The following AGAP1 variants were observed in gnomAD, a reference collection of about 807,000 sequenced individuals.
The protein encoded by AGAP1 is arf-GAP with GTPase, ANK repeat and PH domain-containing protein 1.
A neutral mutation model predicts 105.3 loss-of-function variants in AGAP1; 29 were observed. The ratio of observed to expected loss-of-function variants is 0.28; its 90% CI spans 0.21 to 0.38. The LOEUF (loss-of-function observed/expected upper bound fraction) is 0.38. AGAP1 is among the 10% of genes least tolerant of loss of function. The pLI is 1.00. For synonymous variants in AGAP1, 509 were observed against 485.9 expected, an observed-to-expected ratio of 1.05 and a Z score of -0.63; for missense variants, 998 against 1,165.1, an observed-to-expected ratio of 0.86 and a Z score of 2.09.
In AGAP1 at chr2:235,614,042, C is replaced by T. The variant is rs1490707902; in HGVS notation, c.164-95137C>T. On this transcript the variant is annotated intron_variant, in intron 1 of 17. Transcript: ENST00000304032. The surrounding 1 kb of genome is among the most constrained non-coding windows in gnomAD (Gnocchi z 4.7). ...TTTTCCCCCTTTTGTGTGTTTTGGC[C>T]AAATACTCAAAAGCACTAAGTTTTC... Among the ~76,000 whole-genome samples, 1 of 151,828 alleles carries T rather than the reference C, an allele frequency of 6.6e-6. No individual in the cohort carries two copies. The highest frequency in any genetic ancestry group is 1.5e-5 in the Non-Finnish European group (1 of 67,980).
intron 9 of AGAP1, among the ~76,000 whole-genome samples, chr2:235,817,966 G>A (rs953530010): frequency 1.3e-5 from 2 of 152,206 alleles, no homozygotes; most frequent in African/African-American, 4.8e-5. Flanking sequence ...TAATACTATA[G>A]TTAATGTTTG....
At position 235,625,177 on chromosome 2, in the gene AGAP1, G is replaced by A. The variant is rs1387749266; in HGVS notation, c.164-84002G>A. ...CAGGTGCCTGCTCTAGACTCTTGGTGTTGCTCTTCTTTCCTTCATGACCTT... is the reference window on the plus strand; with the variant it reads ...CAGGTGCCTGCTCTAGACTCTTGGTATTGCTCTTCTTTCCTTCATGACCTT... On this transcript the variant is annotated intron_variant, in intron 1 of 17. Transcript: ENST00000304032. The surrounding 1 kb of genome is among the most constrained non-coding windows in gnomAD (Gnocchi z 4.0). Among the ~76,000 whole-genome samples, 1 of 152,194 alleles carries A rather than the reference G, an allele frequency of 6.6e-6. No homozygotes were observed. Among genetic ancestry groups the A allele is most frequent in the East Asian group, 1.9e-4 (1 of 5,194 alleles).
chr2:235,504,081 G>A (rs1469869681), intron 1 of AGAP1, among the ~76,000 whole-genome samples: 2 of 151,808 alleles, frequency 1.3e-5, no homozygotes, highest in Admixed American at 6.6e-5. Context: ...ATGGGGTCTC[G>A]CTATGTTGCC....
In AGAP1 at chr2:235,663,091, G is replaced by A. The variant is rs2013198; in HGVS notation, c.164-46088G>A. ...TGTAATCCCAGCACTTTGGGAGGCC[G>A]AGGCGGGTGGATCATCTGAGGTCAG... is the stretch of plus-strand genomic sequence containing the variant. On this transcript the variant is annotated intron_variant, in intron 1 of 17. Transcript: ENST00000304032. This position sits in a 1 kb window ranked among gnomAD's most constrained non-coding sequence, Gnocchi z 5.4. Among the ~76,000 whole-genome samples the A allele has an allele frequency of 0.16, 24,683 of 152,076 alleles. 2,604 individuals carry two copies. The highest frequency in any genetic ancestry group is 0.34 in the East Asian group (1,733 of 5,134).
Position 235,678,100 on chromosome 2 carries a change from C to T in AGAP1, c.164-31079C>T, listed in dbSNP as rs1054414618. On this transcript the variant is annotated intron_variant, in intron 1 of 17. Transcript: ENST00000304032. ...TTATGGTGCCGGTGAGCCTGCGCGG[C>T]GCTGGCTTTTGCTCCTCTGGTGCCA... Among the ~76,000 whole-genome samples, 3 of 152,122 alleles carry T rather than the reference C, an allele frequency of 2.0e-5. 1 individual carries two copies. Among genetic ancestry groups the T allele is most frequent in the Non-Finnish European group, 4.4e-5 (3 of 68,008 alleles).
chr2:235,639,850 G>A lies in AGAP1; in HGVS notation c.164-69329G>A, dbSNP rs950252474. On this transcript the variant is annotated intron_variant, in intron 1 of 17. Transcript: ENST00000304032. The surrounding 1 kb of genome is among the most constrained non-coding windows in gnomAD (Gnocchi z 5.3). ...GACTTCTTTTTGGATTATTTGCAACGTCTTGAGGGGTCCACGGATTGATAG... is the reference window on the plus strand; with the variant it reads ...GACTTCTTTTTGGATTATTTGCAACATCTTGAGGGGTCCACGGATTGATAG... Among the ~76,000 whole-genome samples the A allele has an allele frequency of 7.9e-5, 12 of 152,288 alleles. No homozygotes were observed. Among genetic ancestry groups the A allele is most frequent in the African/African-American group, 2.6e-4 (11 of 41,558 alleles).
chr2:236,054,819 G>T (rs1355799827), intron 16 of AGAP1, among the ~76,000 whole-genome samples: 2 of 152,080 alleles, frequency 1.3e-5, no homozygotes, highest in African/African-American at 4.8e-5. Flanking sequence ...AATTTGCCAC[G>T]ATCACCGAGC....
At position 235,578,799 on chromosome 2, in the gene AGAP1, A is replaced by AT. The variant is rs1944824265; in HGVS notation, c.163+83950_163+83951insT. The stretch of plus-strand genomic sequence containing the variant: ...GACTCAGTCTCAAAAAAAAAAAAAA[A>AT]ATTTTTTTTTTACAATAAGCTATTT... On this transcript the variant is annotated intron_variant, in intron 1 of 17. Coordinates refer to ENST00000304032, the MANE Select transcript of AGAP1 (RefSeq NM_001037131.3). This position sits in a 1 kb window ranked among gnomAD's most constrained non-coding sequence, Gnocchi z 4.9. Among the ~76,000 whole-genome samples, 252 of 84,654 alleles carry AT rather than the reference A, an allele frequency of 3.0e-3. No homozygotes were observed. Among genetic ancestry groups the AT allele is most frequent in the African/African-American group, 8.9e-3 (201 of 22,538 alleles). The allele number at this position is 84,654 out of a possible 152,430, so 55.5% of individuals were successfully genotyped here. A position where few individuals can be genotyped will look rare whatever the true frequency, so the allele number is the denominator to read the frequency against.
chr2:235,676,083 C>T (rs1465335950), intron 1 of AGAP1, among the ~76,000 whole-genome samples: 3 of 152,172 alleles, frequency 2.0e-5, no homozygotes, highest in African/African-American at 7.2e-5. Context: ...ATGGTGTGTT[C>T]TGCATTCACT....
In AGAP1 at chr2:235,720,409, A is replaced by G. The variant is rs1036181327; in HGVS notation, c.310+2765A>G. 8.5e-5 allele frequency among the ~76,000 whole-genome samples: 13 copies of G among 152,102 alleles called. No homozygotes were observed. The highest frequency in any genetic ancestry group is 5.2e-4 in the Admixed American group (8 of 15,260). On this transcript the variant is annotated intron_variant, in intron 3 of 17. Transcript: ENST00000304032. This position sits in a 1 kb window ranked among gnomAD's most constrained non-coding sequence, Gnocchi z 5.0. The stretch of plus-strand genomic sequence containing the variant: ...GGAGTGCTGGAGGCTGACAAAGCTG[A>G]TGATGGCCCAGCCTCACCTGTGGTT...
Position 235,930,659 on chromosome 2 carries a change from T to C in AGAP1, c.1325-106T>C. The C allele has an allele frequency of 8.5e-7, 1 of 1,171,054 alleles. No individual in the cohort carries two copies. Among genetic ancestry groups the C allele is most frequent in the Non-Finnish European group, 1.2e-6 (1 of 837,990 alleles). 72.5% of individuals were successfully genotyped at this position (1,171,054 alleles called of 1,614,324 possible). A position where few individuals can be genotyped will look rare whatever the true frequency, so the allele number is the denominator to read the frequency against. On this transcript the variant is annotated intron_variant, in intron 11 of 17. Transcript: ENST00000304032. This position sits in a 1 kb window ranked among gnomAD's most constrained non-coding sequence, Gnocchi z 7.9. The stretch of plus-strand genomic sequence containing the variant: ...CAGGCAGGACAGGGGCTGCTCTCGG[T>C]GGTAAGGTGCACTATGTGCCAGCGT...
At position 236,104,141 on chromosome 2, in the gene AGAP1, G is replaced by A. The variant is rs2059426532; in HGVS notation, c.2115-16051G>A. Among the ~76,000 whole-genome samples, 2 of 152,074 alleles carry A rather than the reference G, an allele frequency of 1.3e-5. No individual in the cohort carries two copies. The highest frequency in any genetic ancestry group is 4.1e-4 in the South Asian group (2 of 4,828). Reference sequence around the variant, plus strand: ...GCAGTGGGTCTGCCCCAGGAGCCCCGCAAGGCGGGAGGCCTGTGTAAAGGC... The same window carrying A: ...GCAGTGGGTCTGCCCCAGGAGCCCCACAAGGCGGGAGGCCTGTGTAAAGGC... On this transcript the variant is annotated intron_variant, in intron 16 of 17. Transcript: ENST00000304032. This position sits in a 1 kb window ranked among gnomAD's most constrained non-coding sequence, Gnocchi z 4.7.
chr2:235,675,701 A>G (rs1948701398), intron 1 of AGAP1, among the ~76,000 whole-genome samples: 1 of 152,180 alleles, frequency 6.6e-6, no homozygotes, highest in Admixed American at 6.5e-5. Context: ...CTGGAGACAG[A>G]GCAGTTGTAC....
At chr2:235,849,641 G>T (rs1302306907) in intron 9 of AGAP1, among the ~76,000 whole-genome samples, 2 of 118,102 alleles carry the variant, frequency 1.7e-5, no homozygotes, top group African/African-American at 5.1e-5. Context: ...ATGCTGCGGG[G>T]ATGCTAGGCC....
At chr2:235,607,405 A>G (rs1456371777) in intron 1 of AGAP1, among the ~76,000 whole-genome samples, 2 of 152,230 alleles carry the variant, frequency 1.3e-5, no homozygotes, top group Non-Finnish European at 2.9e-5. Context: ...ATTATACAGA[A>G]TTATTAGTCT....
In AGAP1 at chr2:236,109,745, T is replaced by A. The variant is rs1033578912; in HGVS notation, c.2115-10447T>A. The stretch of plus-strand genomic sequence containing the variant: ...GTAGCAGCTGCCAACCACATACTTA[T>A]GTAAAGCACTGGAAATGTGTCTAAA... On this transcript the variant is annotated intron_variant, in intron 16 of 17. Transcript: ENST00000304032. The surrounding 1 kb of genome is among the most constrained non-coding windows in gnomAD (Gnocchi z 5.4). Among the ~76,000 whole-genome samples, 1 of 152,234 alleles carries A rather than the reference T, an allele frequency of 6.6e-6. No individual in the cohort carries two copies. Among genetic ancestry groups the A allele is most frequent in the African/African-American group, 2.4e-5 (1 of 41,472 alleles).
Position 236,101,261 on chromosome 2 carries a change from A to C in AGAP1, c.2115-18931A>C, listed in dbSNP as rs1332342537. On this transcript the variant is annotated intron_variant, in intron 16 of 17. Transcript: ENST00000304032. This position sits in a 1 kb window ranked among gnomAD's most constrained non-coding sequence, Gnocchi z 4.9. The stretch of plus-strand genomic sequence containing the variant: ...ACAAGCAGATTAAAAGGTATACCAC[A>C]TTAAGAAGACTCCTTATTGTTCCAA... 2.0e-5 allele frequency among the ~76,000 whole-genome samples: 3 copies of C among 152,284 alleles called. No homozygotes were observed. In the East Asian group the frequency reaches 5.8e-4, roughly 29 times the overall value.
chr2:235,746,316 C>A (rs1046276581), intron 5 of AGAP1, among the ~76,000 whole-genome samples: 5 of 136,618 alleles, frequency 3.7e-5, no homozygotes, highest in Admixed American at 2.9e-4. Context: ...CTATAAGTAT[C>A]TTTTCAGTGT....
intron 1 of AGAP1, among the ~76,000 whole-genome samples, chr2:235,534,798 C>T (rs185768743): frequency 1.3e-5 from 2 of 152,308 alleles, no homozygotes; most frequent in Non-Finnish European, 2.9e-5. Flanking sequence ...GAGCCAACGG[C>T]AGCCCGTGCA....
Sources: allele counts gnomAD v4.1 joint callset (sites outside exome capture counted in the v4.1 genomes callset), GRCh38; gene constraint gnomAD v4.1.1; non-coding constraint Gnocchi (gnomAD v3.1); transcripts MANE v1.5; gene names NCBI Gene and HGNC (gene_info 2026-07-23, HGNC 2026-07-21).